Variants in FRAS1 observed in about 807,000 individuals in gnomAD.
FRAS1 encodes the protein Fraser extracellular matrix complex subunit 1.
Under a neutral mutation model 435.2 loss-of-function variants are expected in FRAS1, and 290 were observed. The observed-to-expected ratio is 0.67, with a 90% CI of 0.61 to 0.73. The LOEUF (loss-of-function observed/expected upper bound fraction) is 0.73. FRAS1 is among the 30% of genes least tolerant of loss of function. FRAS1 has a pLI of 0.00. For missense variants in FRAS1, 4,860 were observed against 5,001.5 expected, an observed-to-expected ratio of 0.97 and a Z score of 0.85; for synonymous variants, 1,800 against 1,851.0, an observed-to-expected ratio of 0.97 and a Z score of 0.71.
At chr4:78,192,226 A>G (rs534010072) in intron 2 of FRAS1, among the ~76,000 whole-genome samples, 1 of 152,266 alleles carries the variant, frequency 6.6e-6, no homozygotes, top group East Asian at 1.9e-4. Context: ...CATCACGGAT[A>G]TTGGTCTAAA....
At chr4:78,307,576 C>G (rs539673261) in intron 14 of FRAS1, among the ~76,000 whole-genome samples, 7 of 152,360 alleles carry the variant, frequency 4.6e-5, no homozygotes, top group Non-Finnish European at 2.9e-5. Flanking sequence ...TTTTTAAGCC[C>G]GTCGGAAAAG....
intron 18 of FRAS1, among the ~76,000 whole-genome samples, chr4:78,324,937 A>C (rs1284666936): frequency 6.6e-6 from 1 of 152,102 alleles, no homozygotes; most frequent in African/African-American, 2.4e-5. Flanking sequence ...GTTCAGCATG[A>C]GGATTAAATA....
rs750735467 is a variant in FRAS1, at chr4:78,284,458, C to T, written c.1309C>T (p.Leu437Phe). The change falls in exon 13 of 74, where the codon CTC becomes TTC. Residue 437 changes from leucine to phenylalanine, a missense_variant. Coordinates refer to ENST00000512123, the MANE Select transcript of FRAS1 (RefSeq NM_025074.7). ...TCSQSPDHCD[L>F]CQDPTKLLQN... ...CTCTCAGTCTCCAGACCACTGTGAC[C>T]TCTGCCAAGATCCTACCAAGTTACT... The T allele has an allele frequency of 1.9e-6, 3 of 1,613,822 alleles. No homozygotes were observed.
intron 44 of FRAS1, among the ~76,000 whole-genome samples, chr4:78,448,859 T>C (rs55751718): frequency 0.016 from 2,415 of 152,232 alleles, 66 homozygotes; most frequent in African/African-American, 0.054. Context: ...CTGTGACAAG[T>C]GTGAGTCTTG....
intron 67 of FRAS1, among the ~76,000 whole-genome samples, chr4:78,520,218 G>A (rs549095080): frequency 1.3e-5 from 2 of 149,070 alleles, no homozygotes; most frequent in East Asian, 2.0e-4. Context: ...TTTCTCCTCC[G>A]TTCTCTCCAA....
Position 78,318,813 on chromosome 4 carries a change from G to A in FRAS1, c.1964G>A (p.Cys655Tyr). ...FYSDHGVCKA[C>Y]HSSCLACMGP... is the part of the protein sequence containing the mutation. Reference sequence around the variant, plus strand: ...TGCATTTTATTTCCATTTGCAGCCTGTCACTCCTCCTGCCTGGCTTGTATG... The same window carrying A: ...TGCATTTTATTTCCATTTGCAGCCTATCACTCCTCCTGCCTGGCTTGTATG... The change falls in exon 18 of 74, where the codon TGT becomes TAT. Residue 655 changes from cysteine to tyrosine, a missense_variant. By Grantham distance (194) the Cys-to-Tyr change is radical. Transcript: ENST00000512123. 4 of 1,560,862 alleles carry A rather than the reference G, an allele frequency of 2.6e-6. No individual in the cohort carries two copies. Among genetic ancestry groups the A allele is most frequent in the Non-Finnish European group, 3.5e-6 (4 of 1,150,242 alleles).
intron 35 of FRAS1, among the ~76,000 whole-genome samples, chr4:78,427,705 C>T (rs1443455839): frequency 2.0e-5 from 3 of 152,224 alleles, no homozygotes; most frequent in African/African-American, 7.2e-5. Context: ...CCTTCATTCT[C>T]ACATGGATAA....
At chr4:78,191,635 C>T (rs1382662197) in intron 2 of FRAS1, among the ~76,000 whole-genome samples, 1 of 151,456 alleles carries the variant, frequency 6.6e-6, no homozygotes, top group Non-Finnish European at 1.5e-5. Flanking sequence ...TGGTGTGCTG[C>T]ACCCATTAAC....
At chr4:78,274,906 C>T (rs1726915265) in intron 9 of FRAS1, among the ~76,000 whole-genome samples, 1 of 152,078 alleles carries the variant, frequency 6.6e-6, no homozygotes, top group African/African-American at 2.4e-5. Context: ...CTAATGTTGA[C>T]AGTGGGGTGT....
At position 78,479,572 on chromosome 4, in the gene FRAS1, A is replaced by C. The variant is rs1185446764; in HGVS notation, c.8297A>C (p.Glu2766Ala). The change falls in exon 56 of 74, where the codon GAA becomes GCA. Residue 2766 changes from glutamate (E) to alanine (A), a missense_variant. Coordinates refer to ENST00000512123, the MANE Select transcript of FRAS1 (RefSeq NM_025074.7). Reference sequence around the variant, plus strand: ...ATTGATGACAGCGAGTATGAAGAGGAAGAAGAGTTTGAGATTGCCTTGGCA... The same window carrying C: ...ATTGATGACAGCGAGTATGAAGAGGCAGAAGAGTTTGAGATTGCCTTGGCA... ...MLIDDSEYEE[E>A]EEFEIALADA... is the part of the protein sequence containing the mutation. The C allele has an allele frequency of 1.9e-6, 3 of 1,613,808 alleles. No individual in the cohort carries two copies. Among genetic ancestry groups the C allele is most frequent in the Non-Finnish European group, 2.5e-6 (3 of 1,179,842 alleles).
intron 59 of FRAS1, among the ~76,000 whole-genome samples, chr4:78,495,388 C>A (rs940405495): frequency 2.6e-5 from 4 of 152,094 alleles, no homozygotes; most frequent in African/African-American, 9.7e-5. Flanking sequence ...ATAAAACATA[C>A]CCATCACACA....
intron 2 of FRAS1, among the ~76,000 whole-genome samples, chr4:78,221,452 TTC>T (rs1724047240): frequency 6.6e-6 from 1 of 152,366 alleles, no homozygotes; most frequent in African/African-American, 2.4e-5. Context: ...TTTGCATATG[TTC>T]TGTCTTTATT....
chr4:78,255,193 A>G, intron 5 of FRAS1, 49 bp from the exon 6 acceptor site: 6 of 1,548,116 alleles, frequency 3.9e-6, no homozygotes, highest in Non-Finnish European at 5.2e-6. Context: ...CAGCCCTGGG[A>G]TCAACAAATG....
At chr4:78,142,762 G>A (rs1188377698) in intron 2 of FRAS1, among the ~76,000 whole-genome samples, 1 of 152,184 alleles carries the variant, frequency 6.6e-6, no homozygotes, top group Admixed American at 6.5e-5. Flanking sequence ...AGTGTTCTAT[G>A]TTCCATGCAT....
Position 78,407,912 on chromosome 4 carries a change from A to G in FRAS1, c.4308+71A>G, listed in dbSNP as rs1437066423. 3 of 1,331,004 alleles carry G rather than the reference A, an allele frequency of 2.3e-6. No homozygotes were observed. The African/African-American group carries it at 4.5e-5, about 20-fold the overall frequency. The allele number at this position is 1,331,004 out of a possible 1,614,324, so 82.4% of individuals were successfully genotyped here. On this transcript the variant is annotated intron_variant, in intron 31 of 73. Transcript: ENST00000512123. ...ATCCAATCGCTCTTATTTATAATCA[A>G]CTTGAGTAATTTTCTGCAGTTGACA...
chr4:78,396,547 A>G (rs750164924), intron 29 of FRAS1, among the ~76,000 whole-genome samples: 1 of 152,194 alleles, frequency 6.6e-6, no homozygotes, highest in African/African-American at 2.4e-5. Context: ...TTTCGAATAT[A>G]TCATCTCATT....
intron 72 of FRAS1, among the ~76,000 whole-genome samples, chr4:78,539,008 A>G (rs867608811): frequency 2.0e-5 from 3 of 151,928 alleles, no homozygotes; most frequent in Admixed American, 6.6e-5. Context: ...CTATCACAAG[A>G]ACATCATAGA....
intron 58 of FRAS1, among the ~76,000 whole-genome samples, chr4:78,488,536 C>T (rs1237057802): frequency 3.3e-5 from 5 of 152,272 alleles, no homozygotes; most frequent in South Asian, 4.1e-4. Context: ...CAAAATTTTT[C>T]GTACACCATC....
At chr4:78,364,651 A>T (rs978581177) in intron 22 of FRAS1, among the ~76,000 whole-genome samples, 1 of 152,212 alleles carries the variant, frequency 6.6e-6, no homozygotes, top group African/African-American at 2.4e-5. Context: ...AAGGGTTAGG[A>T]TAAATTAGGG....
Sources: allele counts gnomAD v4.1 joint callset (sites outside exome capture counted in the v4.1 genomes callset), GRCh38; gene constraint gnomAD v4.1.1; transcripts MANE v1.5; gene names NCBI Gene and HGNC (gene_info 2026-07-23, HGNC 2026-07-21).